The following CDH1 variants were observed in gnomAD, a reference collection of about 807,000 sequenced individuals.
CDH1 encodes the protein cadherin-1.
CDH1 carries 35 observed loss-of-function variants against 84.5 expected under a neutral mutation model. That is an observed-to-expected ratio of 0.41 (90% CI 0.32 to 0.55). The LOEUF is 0.55. Among genes scored for constraint, CDH1 ranks in the 20% least tolerant of loss-of-function variants. CDH1 has a pLI of 0.19. For missense variants in CDH1, 994 were observed against 1,126.6 expected, an observed-to-expected ratio of 0.88 and a Z score of 1.68; for synonymous variants, 417 against 439.0, an observed-to-expected ratio of 0.95 and a Z score of 0.63.
chr16:68,798,782 G>T lies in CDH1; in HGVS notation c.164-2888G>T, dbSNP rs140804454. 2.5e-3 allele frequency among the ~76,000 whole-genome samples: 379 copies of T among 152,178 alleles called. 3 individuals carry two copies. Among genetic ancestry groups the T allele is most frequent in the African/African-American group, 8.8e-3 (365 of 41,546 alleles). On this transcript the variant is annotated intron_variant, in intron 2 of 15. Coordinates refer to ENST00000261769, the MANE Select transcript of CDH1 (RefSeq NM_004360.5). ...TTGCCCCATTACTTCTGCTGGGGGT[G>T]GGGGAGGACTCTTTGAAGAGCATCT...
At chr16:68,809,033 C>T in intron 5 of CDH1, 185 bp downstream of exon 5, 1 of 626,360 alleles carries the variant, frequency 1.6e-6, no homozygotes, top group Non-Finnish European at 2.8e-6. Context: ...GTTAATTTTT[C>T]TCCTTGTCAG....
intron 2 of CDH1, among the ~76,000 whole-genome samples, chr16:68,793,002 G>C (rs994209036): frequency 6.6e-6 from 1 of 152,156 alleles, no homozygotes; most frequent in Non-Finnish European, 1.5e-5. Context: ...GAAGGAACTT[G>C]ATAAGCTTCA....
At chr16:68,779,588 G>GCTC (rs1959820193) in intron 2 of CDH1, among the ~76,000 whole-genome samples, 2 of 152,210 alleles carry the variant, frequency 1.3e-5, no homozygotes, top group African/African-American at 4.8e-5. Flanking sequence ...GGGCACGATG[G>GCTC]CTCACACCTG....
chr16:68,808,283 T>C, intron 3 of CDH1, 141 bp from the exon 4 acceptor site: 1 of 829,282 alleles, frequency 1.2e-6, no homozygotes, highest in African/African-American at 1.7e-5. Context: ...AATTTGTCAT[T>C]GATAAGAGAA....
At chr16:68,749,481 G>A (rs1032087972) in intron 2 of CDH1, among the ~76,000 whole-genome samples, 5 of 152,216 alleles carry the variant, frequency 3.3e-5, no homozygotes, top group African/African-American at 9.6e-5. Context: ...TCACACGCTG[G>A]AGGATTAAAT....
At chr16:68,829,615 TC>T (rs1961421812) in intron 14 of CDH1, 38 bp from the exon 15 acceptor site, 1 of 1,608,264 alleles carries the variant, frequency 6.2e-7, no homozygotes, top group African/African-American at 1.3e-5. Context: ...ACTATTTCTT[TC>T]CTACTCTTCA....
chr16:68,812,007 T>A, intron 7 of CDH1, 128 bp from the exon 8 acceptor site: 4 of 1,501,526 alleles, frequency 2.7e-6, no homozygotes, highest in Non-Finnish European at 3.7e-6. Flanking sequence ...AGAGGTTCCG[T>A]GCCTAGAAGA....
chr16:68,755,246 G>C (rs528281520), intron 2 of CDH1, among the ~76,000 whole-genome samples: 6 of 136,032 alleles, frequency 4.4e-5, no homozygotes, highest in African/African-American at 1.7e-4. Context: ...TCGTACCACT[G>C]CATTCCAGCC....
At chr16:68,824,586 T>C (rs1961269583) in intron 13 of CDH1, among the ~76,000 whole-genome samples, 1 of 152,192 alleles carries the variant, frequency 6.6e-6, no homozygotes, top group Non-Finnish European at 1.5e-5. Context: ...AATTGAAAAT[T>C]GACATGGAGT....
At chr16:68,804,724 C>A (rs969618384) in intron 3 of CDH1, among the ~76,000 whole-genome samples, 9 of 151,672 alleles carry the variant, frequency 5.9e-5, no homozygotes, top group Non-Finnish European at 1.3e-4. Flanking sequence ...CCTTCTGGAA[C>A]CAGGTGGTAC....
intron 13 of CDH1, among the ~76,000 whole-genome samples, chr16:68,825,048 C>G (rs1961282478): frequency 1.3e-5 from 2 of 151,932 alleles, no homozygotes; most frequent in East Asian, 3.9e-4. Context: ...GAGTTTGACA[C>G]CAGCCTGGGC....
At chr16:68,814,789 G>T (rs966224604) in intron 9 of CDH1, among the ~76,000 whole-genome samples, 1 of 152,014 alleles carries the variant, frequency 6.6e-6, no homozygotes, top group Non-Finnish European at 1.5e-5. Context: ...GCGCAGTAGT[G>T]TATGGCGGTG....
chr16:68,798,965 T>C (rs1960430454), intron 2 of CDH1, among the ~76,000 whole-genome samples: 1 of 152,230 alleles, frequency 6.6e-6, no homozygotes, highest in Admixed American at 6.5e-5. Flanking sequence ...ACAGGAATAA[T>C]AGTCATCTCT....
chr16:68,755,282 CAAAAA>C (rs1188775959), intron 2 of CDH1, among the ~76,000 whole-genome samples: 7,449 of 96,074 alleles, frequency 0.078, 497 homozygotes, highest in African/African-American at 0.22. Flanking sequence ...GACTCTGTCT[CAAAAA>C]AAAAAAAAAA....
intron 2 of CDH1, among the ~76,000 whole-genome samples, chr16:68,774,631 A>G (rs1295236323): frequency 2.0e-5 from 3 of 152,076 alleles, no homozygotes; most frequent in Non-Finnish European, 4.4e-5. Flanking sequence ...TAAAATAAGT[A>G]AAGTTTGATG....
At chr16:68,804,447 C>G (rs553300223) in intron 3 of CDH1, among the ~76,000 whole-genome samples, 3 of 152,074 alleles carry the variant, frequency 2.0e-5, no homozygotes. Flanking sequence ...GTGGAATTCT[C>G]CACAAGCAAC....
At position 68,829,959 on chromosome 16, in the gene CDH1, C is replaced by T. The variant is rs2012923; in HGVS notation, c.2439+162C>T. 0.16 allele frequency among the ~76,000 whole-genome samples: 16,928 copies of T among 107,680 alleles called. 925 individuals carry two copies. The highest frequency in any genetic ancestry group is 0.24 in the African/African-American group (4,419 of 18,326). The allele number at this position is 107,680 out of a possible 152,430, so 70.6% of individuals were successfully genotyped here. ...TTCCTTTTTCTTTTTTTTTCTTTTT[C>T]TTTTTTTTTTTTTTTGAGACGAAGT... On this transcript the variant is annotated intron_variant, in intron 15 of 15. Transcript: ENST00000261769.
intron 2 of CDH1, among the ~76,000 whole-genome samples, chr16:68,786,993 G>A (rs1259750753): frequency 6.6e-6 from 1 of 152,190 alleles, no homozygotes; most frequent in East Asian, 1.9e-4. Context: ...AAGGTTTCCA[G>A]ATCTTGTTCT....
intron 2 of CDH1, among the ~76,000 whole-genome samples, chr16:68,739,390 C>G (rs1174011124): frequency 6.6e-6 from 1 of 151,988 alleles, no homozygotes; most frequent in Non-Finnish European, 1.5e-5. Flanking sequence ...GCACTCCAAC[C>G]TGGGTGACAG....
Sources: allele counts gnomAD v4.1 joint callset (sites outside exome capture counted in the v4.1 genomes callset), GRCh38; gene constraint gnomAD v4.1.1; transcripts MANE v1.5; gene names NCBI Gene and HGNC (gene_info 2026-07-23, HGNC 2026-07-21).